Variants in CHST4 observed in about 807,000 individuals in gnomAD.
The protein encoded by CHST4 is GST-3.
For missense variants in CHST4, 466 were observed against 506.0 expected, an observed-to-expected ratio of 0.92 and a Z score of 0.76; for synonymous variants, 171 against 195.5, an observed-to-expected ratio of 0.87 and a Z score of 1.05.
Position 71,537,196 on chromosome 16 carries a change from C to G in CHST4, c.519C>G (p.His173Gln). The G allele has an allele frequency of 6.2e-7, 1 of 1,614,156 alleles. No homozygotes were observed. Among genetic ancestry groups the G allele is most frequent in the Non-Finnish European group, 8.5e-7 (1 of 1,180,028 alleles). The change falls in exon 2 of 2, where the codon CAC becomes CAG. Residue 173 changes from histidine to glutamine, a missense_variant. Transcript: ENST00000539698. The surrounding 1 kb of genome is among the most constrained non-coding windows in gnomAD (Gnocchi z 4.2). ...AGAAGGCCTGCCGCTCCTACAGCCA[C>G]GTGGTGCTCAAGGAGGTGCGCTTCT... ...VVEKACRSYS[H>Q]VVLKEVRFFN...
Position 71,537,884 on chromosome 16 carries a change from C to A in CHST4, c.*46C>A. 7.8e-6 allele frequency: 12 copies of A among 1,537,470 alleles called. No homozygotes were observed. Among genetic ancestry groups the A allele is most frequent in the Non-Finnish European group, 1.1e-5 (12 of 1,133,616 alleles). ...TGCCACCTGGTGTCAGCCTCAGTCA[C>A]TTTCTCTGAATGCTTCTGAGCCTTG... On this transcript the variant is annotated 3_prime_UTR_variant, in exon 2 of 2. Coordinates refer to ENST00000539698, the MANE Select transcript of CHST4 (RefSeq NM_001166395.2). The surrounding 1 kb of genome is among the most constrained non-coding windows in gnomAD (Gnocchi z 4.2).
Position 71,537,291 on chromosome 16 carries a change from G to T in CHST4, c.614G>T (p.Arg205Leu). 1 of 1,614,176 alleles carries T rather than the reference G, an allele frequency of 6.2e-7. No homozygotes were observed. The highest frequency in any genetic ancestry group is 8.5e-7 in the Non-Finnish European group (1 of 1,180,032). The change falls in exon 2 of 2, where the codon CGG (arginine) becomes CTG (leucine). Residue 205 changes from arginine (R) to leucine (L), a missense_variant. Physicochemically the swap from Arg to Leu is moderately radical, Grantham distance 102. Coordinates refer to ENST00000539698, the MANE Select transcript of CHST4 (RefSeq NM_001166395.2). The surrounding 1 kb of genome is among the most constrained non-coding windows in gnomAD (Gnocchi z 4.2). ...SLNLHIVHLV[R>L]DPRAVFRSRE... ...AACCTGCATATCGTGCACCTGGTCC[G>T]GGACCCCCGGGCCGTGTTCCGTTCC...
chr16:71,531,588 G>A (rs2043948415), intron 1 of CHST4, among the ~76,000 whole-genome samples: 1 of 152,164 alleles, frequency 6.6e-6, no homozygotes, highest in African/African-American at 2.4e-5. Context: ...CCAGCTTGGG[G>A]AGGAAACGGG....
intron 1 of CHST4, among the ~76,000 whole-genome samples, chr16:71,533,426 C>CAAAAA (rs11299179): frequency 1.0e-5 from 1 of 98,452 alleles, no homozygotes; most frequent in African/African-American, 3.9e-5. Context: ...GACTCTGTCT[C>CAAAAA]AAAAAAAAAA....
chr16:71,533,298 G>A (rs987327616), intron 1 of CHST4, among the ~76,000 whole-genome samples: 2 of 151,892 alleles, frequency 1.3e-5, no homozygotes. Flanking sequence ...GGTGGTGTGC[G>A]CCTGTAGTCT....
At chr16:71,534,235 C>G (rs2043970182) in intron 1 of CHST4, among the ~76,000 whole-genome samples, 1 of 151,388 alleles carries the variant, frequency 6.6e-6, no homozygotes, top group South Asian at 2.1e-4. Context: ...CTATTAAAAA[C>G]TTTTTAGGCT....
In CHST4 at chr16:71,537,409, T is replaced by C. The variant is rs370585800; in HGVS notation, c.732T>C (p.Tyr244=). 45 of 1,614,052 alleles carry C rather than the reference T, an allele frequency of 2.8e-5. No homozygotes were observed. The highest frequency in any genetic ancestry group is 1.3e-5 in the African/African-American group (1 of 74,932). ...TCAAGAAGGAGGACCAACCCTACTA[T>C]GTGATGCAGGTCATCTGCCAAAGCC... ...QKLKKEDQPY[Y]VMQVICQSQL... is the part of the protein sequence containing the mutation. Residue 244 remains tyrosine, a synonymous_variant, in exon 2 of 2, where the codon TAT becomes TAC. Coordinates refer to ENST00000539698, the MANE Select transcript of CHST4 (RefSeq NM_001166395.2). The surrounding 1 kb of genome is among the most constrained non-coding windows in gnomAD (Gnocchi z 4.2).
At chr16:71,527,256 A>G (rs2043914816) in intron 1 of CHST4, among the ~76,000 whole-genome samples, 1 of 152,240 alleles carries the variant, frequency 6.6e-6, no homozygotes, top group Non-Finnish European at 1.5e-5. Flanking sequence ...CTATGTGTAA[A>G]ATAAATGTAA....
At chr16:71,527,691 C>T (rs1028613173) in intron 1 of CHST4, among the ~76,000 whole-genome samples, 4 of 151,944 alleles carry the variant, frequency 2.6e-5, no homozygotes, top group Non-Finnish European at 4.4e-5. Flanking sequence ...CTGCAGTGAG[C>T]CGAGATCCTG....
At chr16:71,532,997 A>G (rs2043959310) in intron 1 of CHST4, among the ~76,000 whole-genome samples, 1 of 152,208 alleles carries the variant, frequency 6.6e-6, no homozygotes, top group Admixed American at 6.5e-5. Context: ...CTAAAAATAA[A>G]GGGCAGCACA....
At chr16:71,528,801 G>T (rs570768478) in intron 1 of CHST4, among the ~76,000 whole-genome samples, 1 of 152,016 alleles carries the variant, frequency 6.6e-6, no homozygotes, top group Admixed American at 6.6e-5. Context: ...TTGTCTCTAC[G>T]AGGCTACATG....
rs534566988 is a variant in CHST4, at chr16:71,532,431, A to AT, written c.-18-4225dup. On this transcript the variant is annotated intron_variant, in intron 1 of 1. Coordinates refer to ENST00000539698, the MANE Select transcript of CHST4 (RefSeq NM_001166395.2). ...GACATTTTCTGCCGTACAGCAAGTG[A>AT]TTTTCAGCCATGATGATGAGATGAT... is the stretch of plus-strand genomic sequence containing the variant. Among the ~76,000 whole-genome samples, 32 of 152,188 alleles carry AT rather than the reference A, an allele frequency of 2.1e-4. No homozygotes were observed. In the South Asian group the frequency reaches 6.4e-3, roughly 31 times the overall value.
At position 71,537,182 on chromosome 16, in the gene CHST4, C is replaced by T. The variant is rs145030566; in HGVS notation, c.505C>T (p.Arg169Cys). Residue 169 changes from arginine to cysteine, a missense_variant, in exon 2 of 2, where the codon CGC becomes TGC. By Grantham distance (180) the Arg-to-Cys change is radical (BLOSUM62 -3). Transcript: ENST00000539698. This position sits in a 1 kb window ranked among gnomAD's most constrained non-coding sequence, Gnocchi z 4.2. Reference protein sequence around the residue: ...QPFEVVEKACRSYSHVVLKEV... With the variant: ...QPFEVVEKACCSYSHVVLKEV... ...CTTTGAGGTGGTGGAGAAGGCCTGC[C>T]GCTCCTACAGCCACGTGGTGCTCAA... 4.2e-5 allele frequency: 67 copies of T among 1,614,030 alleles called. No individual in the cohort carries two copies. Among genetic ancestry groups the T allele is most frequent in the Middle Eastern group, 3.3e-4 (2 of 6,084 alleles).
rs1296231615 is a variant in CHST4, at chr16:71,538,579, A to C, written c.*741A>C. On this transcript the variant is annotated 3_prime_UTR_variant, in exon 2 of 2. Transcript: ENST00000539698. ...AGCAGTAAATGTTCATTTTTATGGG[A>C]TCCTAAGCTAAGAATAGATGTAATC... 6.0e-6 allele frequency: 1 copy of C among 167,046 alleles called. No homozygotes were observed. Among genetic ancestry groups the C allele is most frequent in the African/African-American group, 2.4e-5 (1 of 41,464 alleles). 10.3% of individuals were successfully genotyped at this position (167,046 alleles called of 1,614,324 possible).
Position 71,537,306 on chromosome 16 carries a change from T to G in CHST4, c.629T>G (p.Val210Gly). Residue 210 changes from valine to glycine, a missense_variant, in exon 2 of 2, where the codon GTG becomes GGG. Coordinates refer to ENST00000539698, the MANE Select transcript of CHST4 (RefSeq NM_001166395.2). This position sits in a 1 kb window ranked among gnomAD's most constrained non-coding sequence, Gnocchi z 4.2. ...IVHLVRDPRAVFRSRERTKGD... is the reference protein window; with the variant it reads ...IVHLVRDPRAGFRSRERTKGD... ...CACCTGGTCCGGGACCCCCGGGCCG[T>G]GTTCCGTTCCCGAGAACGCACAAAG... is the stretch of plus-strand genomic sequence containing the variant. 6.2e-7 allele frequency: 1 copy of G among 1,614,208 alleles called. No homozygotes were observed. Among genetic ancestry groups the G allele is most frequent in the South Asian group, 1.1e-5 (1 of 91,086 alleles).
At chr16:71,532,053 T>TG (rs1011082512) in intron 1 of CHST4, among the ~76,000 whole-genome samples, 1 of 149,956 alleles carries the variant, frequency 6.7e-6, no homozygotes, top group Non-Finnish European at 1.5e-5. Flanking sequence ...CTGTTGTTTT[T>TG]TTTTTTTTTT....
At position 71,537,314 on chromosome 16, in the gene CHST4, TC is replaced by T. The variant is rs1274463111; in HGVS notation, c.640del (p.Arg214GlufsTer9). The T allele has an allele frequency of 6.2e-7, 1 of 1,614,160 alleles. No homozygotes were observed. The highest frequency in any genetic ancestry group is 2.2e-5 in the East Asian group (1 of 44,876). On this transcript the variant is annotated frameshift_variant, in exon 2 of 2. Transcript: ENST00000539698. LOFTEE classifies it low-confidence loss of function (END_TRUNC). The surrounding 1 kb of genome is among the most constrained non-coding windows in gnomAD (Gnocchi z 4.2). ...LVRDPRAVFR[S>X]RERTKGDLMI... ...CCGGGACCCCCGGGCCGTGTTCCGT[TC>T]CCGAGAACGCACAAAGGGAGATCTC... is the stretch of plus-strand genomic sequence containing the variant.
At chr16:71,535,954 C>G (rs1457778128) in intron 1 of CHST4, among the ~76,000 whole-genome samples, 1 of 152,144 alleles carries the variant, frequency 6.6e-6, no homozygotes, top group East Asian at 1.9e-4. Context: ...TAGACGTAGA[C>G]TTTTCACTCT....
intron 1 of CHST4, among the ~76,000 whole-genome samples, chr16:71,534,476 G>A (rs979049061): frequency 6.7e-6 from 1 of 149,806 alleles, no homozygotes; most frequent in Admixed American, 6.7e-5. Context: ...TCCTACCTCA[G>A]CCTCCCACGT....
Sources: gnomAD v4.1 joint callset for allele counts (sites outside exome capture counted in the v4.1 genomes callset) on GRCh38, gnomAD v4.1.1 for gene constraint, Gnocchi (gnomAD v3.1) non-coding constraint, MANE v1.5 for transcripts, NCBI Gene and HGNC (gene_info 2026-07-23, HGNC 2026-07-21) for gene names.